The following NPTXR variants were observed in gnomAD, a reference collection of about 807,000 sequenced individuals.
NPTXR encodes neuronal pentraxin receptor.
In NPTXR, 12 loss-of-function variants were observed where a neutral mutation model predicts 32.2. That is an observed-to-expected ratio of 0.37 (90% CI 0.24 to 0.60). The LOEUF is 0.60. Among genes scored for constraint, NPTXR ranks in the 20% least tolerant of loss-of-function variants. The probability of loss-of-function intolerance (pLI) is 0.66; values close to 1 mark genes in which losing one functional copy is unlikely to be tolerated. For missense variants in NPTXR, 612 were observed against 682.9 expected (o/e 0.90, Z 1.16); for synonymous variants, 323 against 315.8 (o/e 1.02, Z -0.24).
At chr22:38,842,473 T>C (rs926881434) in intron 1 of NPTXR, among the ~76,000 whole-genome samples, 3 of 152,254 alleles carry the variant, frequency 2.0e-5, no homozygotes, top group Middle Eastern at 3.4e-3. Context: ...CAGGGTCACA[T>C]GAGAGCCAAG....
At chr22:38,829,724 A>G (rs1370665891) in intron 1 of NPTXR, among the ~76,000 whole-genome samples, 1 of 152,196 alleles carries the variant, frequency 6.6e-6, no homozygotes, top group Non-Finnish European at 1.5e-5. Context: ...TGATTCAGTC[A>G]CTGAGCAAAC....
intron 1 of NPTXR, among the ~76,000 whole-genome samples, chr22:38,838,312 C>T (rs1387647487): frequency 6.6e-6 from 1 of 151,904 alleles, no homozygotes; most frequent in Non-Finnish European, 1.5e-5. Context: ...TCTATTTGCT[C>T]ATCTGTAAGA....
chr22:38,841,728 A>C (rs527914811), intron 1 of NPTXR, among the ~76,000 whole-genome samples: 1 of 152,348 alleles, frequency 6.6e-6, no homozygotes, highest in Non-Finnish European at 1.5e-5. Context: ...TTGGCCTTTC[A>C]TATAAAGTAC....
chr22:38,843,887 GC>G lies in NPTXR; in HGVS notation c.-30del, dbSNP rs1201503770. ...GAGGCGGGCGGCGGGGGCGCCCGAG[GC>G]CCCCGGCAGGCGCGGCGGCGGGGTC... On this transcript the variant is annotated 5_prime_UTR_variant, in exon 1 of 5. Transcript: ENST00000333039. This position sits in a 1 kb window ranked among gnomAD's most constrained non-coding sequence, Gnocchi z 5.3. 2.0e-6 allele frequency: 2 copies of G among 985,880 alleles called. No individual in the cohort carries two copies. The highest frequency in any genetic ancestry group is 2.4e-6 in the Non-Finnish European group (2 of 832,104). The allele number at this position is 985,880 out of a possible 1,614,324, so 61.1% of individuals were successfully genotyped here. A position where few individuals can be genotyped will look rare whatever the true frequency, so the allele number is the denominator to read the frequency against.
At chr22:38,823,816 C>T (rs183512456) in intron 3 of NPTXR, among the ~76,000 whole-genome samples, 1 of 152,346 alleles carries the variant, frequency 6.6e-6, no homozygotes, top group Admixed American at 6.5e-5. Context: ...CCAGGGCAGA[C>T]ATAGCCAATC....
intron 1 of NPTXR, among the ~76,000 whole-genome samples, chr22:38,840,754 G>C (rs1284817553): frequency 1.3e-5 from 2 of 152,126 alleles, no homozygotes; most frequent in Non-Finnish European, 2.9e-5. Flanking sequence ...ATGGGTGTGG[G>C]AAGCCTCAGG....
At chr22:38,825,712 T>G (rs1489500379) in intron 3 of NPTXR, among the ~76,000 whole-genome samples, 2 of 152,110 alleles carry the variant, frequency 1.3e-5, no homozygotes, top group Admixed American at 6.6e-5. Context: ...ACAACACCTT[T>G]CTACTCTCCA....
chr22:38,842,671 T>C (rs777792143), intron 1 of NPTXR, among the ~76,000 whole-genome samples: 24 of 152,184 alleles, frequency 1.6e-4, no homozygotes, highest in Admixed American at 1.0e-3. Flanking sequence ...GTTTGGGTCA[T>C]AGTCTGAGCC....
chr22:38,824,443 C>T (rs903116779), intron 3 of NPTXR, among the ~76,000 whole-genome samples: 1 of 151,968 alleles, frequency 6.6e-6, no homozygotes, highest in African/African-American at 2.4e-5. Flanking sequence ...GACAAAATAA[C>T]GGAGGGCATA....
chr22:38,839,701 C>A (rs577272628), intron 1 of NPTXR, among the ~76,000 whole-genome samples: 45 of 151,610 alleles, frequency 3.0e-4, no homozygotes, highest in Middle Eastern at 6.9e-3. Flanking sequence ...TAATACCACT[C>A]CTGGGAATTC....
chr22:38,829,639 G>A (rs2093113138), intron 1 of NPTXR, among the ~76,000 whole-genome samples: 1 of 152,094 alleles, frequency 6.6e-6, no homozygotes, highest in African/African-American at 2.4e-5. Context: ...AACTCCCCAG[G>A]GGCCTGGGAA....
At chr22:38,841,015 C>A (rs1443278698) in intron 1 of NPTXR, among the ~76,000 whole-genome samples, 1 of 152,192 alleles carries the variant, frequency 6.6e-6, no homozygotes, top group African/African-American at 2.4e-5. Context: ...GCAAGAGCAC[C>A]TTCAGTGTAT....
At chr22:38,833,680 GTTTC>G (rs1403473110) in intron 1 of NPTXR, among the ~76,000 whole-genome samples, 3 of 149,226 alleles carry the variant, frequency 2.0e-5, no homozygotes, top group Non-Finnish European at 3.0e-5. Flanking sequence ...TTGCGATGGA[GTTTC>G]TTTTTTTTTT....
intron 1 of NPTXR, among the ~76,000 whole-genome samples, chr22:38,842,237 G>C (rs564624517): frequency 2.0e-4 from 31 of 152,360 alleles, no homozygotes; most frequent in Non-Finnish European, 3.4e-4. Context: ...GGTAGCAGAG[G>C]GGGCAGCGCG....
rs939222258 is a variant in NPTXR at position 38,821,769 on chromosome 22, G to C, written c.*840C>G. 3 of 152,686 alleles carry C rather than the reference G, an allele frequency of 2.0e-5. No homozygotes were observed. Among genetic ancestry groups the C allele is most frequent in the Non-Finnish European group, 2.9e-5 (2 of 68,306 alleles). 9.5% of individuals were successfully genotyped at this position (152,686 alleles called of 1,614,324 possible). On this transcript the variant is annotated 3_prime_UTR_variant, in exon 5 of 5. Coordinates refer to ENST00000333039, the MANE Select transcript of NPTXR (RefSeq NM_014293.4). ...GCTCTGCCAGAGGTGGGGTCTCCTG[G>C]GCCATGAGGCCTCTACCTTAGGGCT...
intron 3 of NPTXR, among the ~76,000 whole-genome samples, chr22:38,825,836 C>CTT (rs2093105500): frequency 1.0e-5 from 1 of 100,416 alleles, no homozygotes; most frequent in Non-Finnish European, 2.0e-5. Flanking sequence ...CCTTCTCTCT[C>CTT]TCTCTTTTTT....
Position 38,843,502 on chromosome 22 carries a change from C to T in NPTXR, c.357G>A (p.Glu119=), listed in dbSNP as rs749803005. ...TCTGCAGCAGCAGCAGCTCTTCGCG[C>T]TCGCCCGGCGCAGCGCCCGCCGCGT... Residue 119 remains glutamate (E), a synonymous_variant, in exon 1 of 5, where the codon GAG becomes GAA. Coordinates refer to ENST00000333039, the MANE Select transcript of NPTXR (RefSeq NM_014293.4). The surrounding 1 kb of genome is among the most constrained non-coding windows in gnomAD (Gnocchi z 5.3). 1.2e-5 allele frequency: 16 copies of T among 1,286,060 alleles called. No homozygotes were observed. Among genetic ancestry groups the T allele is most frequent in the Non-Finnish European group, 5.9e-6 (6 of 1,018,856 alleles). 79.7% of individuals were successfully genotyped at this position (1,286,060 alleles called of 1,614,324 possible). A position where few individuals can be genotyped will look rare whatever the true frequency, so the allele number is the denominator to read the frequency against.
At chr22:38,838,573 ATTTTTTT>A (rs139377592) in intron 1 of NPTXR, among the ~76,000 whole-genome samples, 19 of 83,204 alleles carry the variant, frequency 2.3e-4, no homozygotes, top group South Asian at 7.8e-4. Context: ...TCACCTGGCT[ATTTTTTT>A]TTTTTTTTTT....
chr22:38,823,522 C>T (rs181130970), intron 3 of NPTXR, among the ~76,000 whole-genome samples: 29 of 152,352 alleles, frequency 1.9e-4, no homozygotes, highest in African/African-American at 6.5e-4. Flanking sequence ...TCCAACAGGC[C>T]TATTAAGGTC....
Sources: allele counts gnomAD v4.1 joint callset (sites outside exome capture counted in the v4.1 genomes callset), GRCh38; gene constraint gnomAD v4.1.1; non-coding constraint Gnocchi (gnomAD v3.1); transcripts MANE v1.5; gene names NCBI Gene and HGNC (gene_info 2026-07-23, HGNC 2026-07-21).